Variants in ROBO2 observed in about 807,000 individuals in gnomAD.
The protein encoded by ROBO2 is roundabout homolog 2.
Under a neutral mutation model 160.8 loss-of-function variants are expected in ROBO2, and 53 were observed. That is an observed-to-expected ratio of 0.33 (90% CI 0.26 to 0.41). ROBO2 has a LOEUF of 0.41. Among genes scored for constraint, ROBO2 ranks in the 10% least tolerant of loss-of-function variants. ROBO2 has a pLI of 1.00. For synonymous variants in ROBO2, 664 were observed against 611.7 expected (o/e 1.09, Z -1.26); for missense variants, 1,577 against 1,722.4 (o/e 0.92, Z 1.49).
chr3:77,131,461 T>C (rs763448471), intron 2 of ROBO2, among the ~76,000 whole-genome samples: 6 of 152,164 alleles, frequency 3.9e-5, no homozygotes, highest in Non-Finnish European at 5.9e-5. Flanking sequence ...CATGTACGTT[T>C]AAGATAGCTG....
chr3:77,468,946 CT>C lies in ROBO2; in HGVS notation c.389-8466del, dbSNP rs544257053. On this transcript the variant is annotated intron_variant, in intron 2 of 25. Transcript: ENST00000461745. ...ACTGAGTTCTTTCTTTCCCATTCCC[CT>C]TCTGTGCAGAAGAAACCACTTATGA... Among the ~76,000 whole-genome samples, 300 of 152,280 alleles carry C rather than the reference CT, an allele frequency of 2.0e-3. 1 individual carries two copies. The highest frequency in any genetic ancestry group is 7.0e-3 in the African/African-American group (290 of 41,562).
chr3:77,255,397 G>T (rs184079688), intron 2 of ROBO2, among the ~76,000 whole-genome samples: 21 of 152,288 alleles, frequency 1.4e-4, no homozygotes, highest in African/African-American at 4.8e-4. Flanking sequence ...CCCATTCTTT[G>T]GAGTTGCTAA....
chr3:75,923,753 G>A (rs1947163792), intron 1 of ROBO2, among the ~76,000 whole-genome samples: 2 of 152,174 alleles, frequency 1.3e-5, no homozygotes, highest in South Asian at 2.1e-4. Flanking sequence ...AGTCATGAGA[G>A]TAAAGACTAT....
At chr3:77,624,576 A>C (rs897532679) in intron 23 of ROBO2, among the ~76,000 whole-genome samples, 2 of 152,224 alleles carry the variant, frequency 1.3e-5, no homozygotes, top group Non-Finnish European at 2.9e-5. Context: ...TTCCTCAGAC[A>C]CTTAATGCTA....
intron 2 of ROBO2, among the ~76,000 whole-genome samples, chr3:77,166,177 G>A (rs540617027): frequency 8.5e-5 from 13 of 152,086 alleles, no homozygotes; most frequent in African/African-American, 2.7e-4. Flanking sequence ...AGAATAGCTC[G>A]AACCCAGGAG....
chr3:77,467,889 T>C (rs1353896554), intron 2 of ROBO2, among the ~76,000 whole-genome samples: 1 of 152,184 alleles, frequency 6.6e-6, no homozygotes, highest in Non-Finnish European at 1.5e-5. Context: ...TGAAAGACAG[T>C]TGCCTGTGGA....
chr3:77,270,616 A>T (rs554132409), intron 2 of ROBO2, among the ~76,000 whole-genome samples: 2 of 152,112 alleles, frequency 1.3e-5, no homozygotes, highest in African/African-American at 4.8e-5. Context: ...GGCATGTTAA[A>T]TACTAAAGGA....
At position 76,566,627 on chromosome 3, in the gene ROBO2, A is replaced by G. The variant is rs149270882; in HGVS notation, c.110-531387A>G. Among the ~76,000 whole-genome samples the G allele has an allele frequency of 3.1e-3, 471 of 152,284 alleles. 3 individuals are homozygous for G. The highest frequency in any genetic ancestry group is 0.011 in the African/African-American group (463 of 41,550). ...AGATGCACCACAGTAAAATAATACC[A>G]ATGGCTTTACTTGTAACAAGTTCTT... On this transcript the variant is annotated intron_variant, in intron 2 of 26. Transcript: ENST00000487694.
chr3:77,018,100 A>C (rs111623428), intron 2 of ROBO2, among the ~76,000 whole-genome samples: 2,923 of 152,266 alleles, frequency 0.019, 121 homozygotes, highest in African/African-American at 0.067. Flanking sequence ...ATTCAGAAAC[A>C]ATATATTTAT....
At chr3:76,442,259 C>A (rs2076956678) in intron 2 of ROBO2, among the ~76,000 whole-genome samples, 2 of 152,154 alleles carry the variant, frequency 1.3e-5, no homozygotes, top group Admixed American at 6.6e-5. Context: ...ATATTGTGTT[C>A]ATCTGCGTCA....
chr3:77,471,874 C>T (rs1433216076), intron 2 of ROBO2, among the ~76,000 whole-genome samples: 1 of 152,132 alleles, frequency 6.6e-6, no homozygotes, highest in East Asian at 1.9e-4. Flanking sequence ...CAACATTTCC[C>T]TGGGCTCTGG....
chr3:77,400,653 T>C (rs2153510881), intron 2 of ROBO2, among the ~76,000 whole-genome samples: 1 of 152,372 alleles, frequency 6.6e-6, no homozygotes, highest in Non-Finnish European at 1.5e-5. Context: ...ATTGTTTTTA[T>C]GATTGCCTTG....
At chr3:77,342,267 T>A (rs1218554468) in intron 2 of ROBO2, among the ~76,000 whole-genome samples, 1 of 152,094 alleles carries the variant, frequency 6.6e-6, no homozygotes, top group Non-Finnish European at 1.5e-5. Context: ...GACCATGTTT[T>A]CCATTGTCAG....
intron 2 of ROBO2, among the ~76,000 whole-genome samples, chr3:76,549,089 C>G (rs1481671775): frequency 6.6e-6 from 1 of 152,072 alleles, no homozygotes; most frequent in Non-Finnish European, 1.5e-5. Context: ...ACAAACATAT[C>G]TCATAATATT....
intron 2 of ROBO2, among the ~76,000 whole-genome samples, chr3:76,651,378 C>A (rs1056061365): frequency 3.9e-5 from 6 of 152,126 alleles, no homozygotes; most frequent in Non-Finnish European, 8.8e-5. Context: ...CTCATGCCCT[C>A]CTCCTAGGAT....
intron 2 of ROBO2, among the ~76,000 whole-genome samples, chr3:76,442,514 G>C (rs17014187): frequency 0.014 from 2,109 of 152,272 alleles, 42 homozygotes; most frequent in South Asian, 0.05. Flanking sequence ...AAATGCTATA[G>C]AAGTACAAGC....
In ROBO2 at chr3:76,952,547, G is replaced by A. The variant is rs569278823; in HGVS notation, c.110-145467G>A. ...TCCGCCTGCCTCGGCCTCCCAAAGT[G>A]CTGGGATTACAGGCGTGAGCCACTG... On this transcript the variant is annotated intron_variant, in intron 2 of 26. Transcript: ENST00000487694. 7.2e-5 allele frequency among the ~76,000 whole-genome samples: 11 copies of A among 152,248 alleles called. No individual in the cohort carries two copies. The East Asian group carries it at 1.4e-3, about 19-fold the overall frequency.
At chr3:77,606,759 C>A (rs1012711390) in intron 20 of ROBO2, among the ~76,000 whole-genome samples, 1 of 152,142 alleles carries the variant, frequency 6.6e-6, no homozygotes, top group African/African-American at 2.4e-5. Flanking sequence ...CTAAATAGCC[C>A]TGCTACAAAT....
At chr3:77,538,232 G>A (rs1434929338) in intron 6 of ROBO2, among the ~76,000 whole-genome samples, 4 of 139,612 alleles carry the variant, frequency 2.9e-5, no homozygotes, top group East Asian at 4.3e-4. Flanking sequence ...AGGCTGGAGT[G>A]CAGTGGTGCG....
Sources: allele counts gnomAD v4.1 joint callset (sites outside exome capture counted in the v4.1 genomes callset), GRCh38; gene constraint gnomAD v4.1.1; transcripts MANE v1.5; gene names NCBI Gene and HGNC (gene_info 2026-07-23, HGNC 2026-07-21).